The following RAPGEF5 variants were observed in gnomAD, a reference collection of about 807,000 sequenced individuals.
RAPGEF5 encodes Rap guanine nucleotide exchange factor 5, also known as M-Ras-regulated GEF.
Under a neutral mutation model 125.2 loss-of-function variants are expected in RAPGEF5, and 65 were observed. That is an observed-to-expected ratio of 0.52 (90% confidence interval 0.43 to 0.64). The LOEUF is 0.64. Among genes scored for constraint, RAPGEF5 ranks in the 30% least tolerant of loss-of-function variants. RAPGEF5 has a pLI of 0.00. For synonymous variants in RAPGEF5, 391 were observed against 385.9 expected (o/e 1.01, Z -0.16); for missense variants, 958 against 1,048.1 (o/e 0.91, Z 1.19).
At chr7:22,329,477 C>T (rs1450122901) in intron 1 of RAPGEF5, among the ~76,000 whole-genome samples, 4 of 152,136 alleles carry the variant, frequency 2.6e-5, no homozygotes, top group Non-Finnish European at 5.9e-5. Flanking sequence ...CCTCCCTTCC[C>T]GCAGTCTAGT....
chr7:22,254,540 A>G (rs563703695), intron 7 of RAPGEF5, among the ~76,000 whole-genome samples: 51 of 149,548 alleles, frequency 3.4e-4, no homozygotes, highest in Non-Finnish European at 5.9e-4. Flanking sequence ...CTCAGGAGGC[A>G]GAGGTTGCAG....
At chr7:22,266,853 C>A in intron 7 of RAPGEF5, 111 bp downstream of exon 7, 3 of 1,034,044 alleles carry the variant, frequency 2.9e-6, no homozygotes, top group East Asian at 4.9e-5. Flanking sequence ...TAATTCTTTG[C>A]ATTCTACACC....
At chr7:22,183,793 C>A (rs1389758004) in intron 11 of RAPGEF5, among the ~76,000 whole-genome samples, 1 of 152,190 alleles carries the variant, frequency 6.6e-6, no homozygotes, top group African/African-American at 2.4e-5. Flanking sequence ...AGGACAAAAC[C>A]TCCACTCTAA....
intron 2 of RAPGEF5, 71 bp from the exon 3 acceptor site, chr7:22,315,547 CTATATATA>C: frequency 2.4e-6 from 1 of 413,644 alleles, no homozygotes. Flanking sequence ...CAATAGCATA[CTATATATA>C]TATATATATA....
chr7:22,175,913 T>G (rs1036706994), intron 11 of RAPGEF5, among the ~76,000 whole-genome samples: 34 of 152,208 alleles, frequency 2.2e-4, no homozygotes, highest in Admixed American at 1.5e-3. Context: ...TCATTCCCAA[T>G]GTTAATATTA....
chr7:22,132,744 A>G (rs1180424839), intron 23 of RAPGEF5, among the ~76,000 whole-genome samples: 1 of 152,142 alleles, frequency 6.6e-6, no homozygotes, highest in Non-Finnish European at 1.5e-5. Flanking sequence ...CTTCCTAGGG[A>G]TGATGAGGAG....
chr7:22,216,798 T>A (rs1785649005), intron 9 of RAPGEF5, among the ~76,000 whole-genome samples: 1 of 152,252 alleles, frequency 6.6e-6, no homozygotes. Flanking sequence ...AAGCTTGCGA[T>A]AATTATACAT....
intron 7 of RAPGEF5, among the ~76,000 whole-genome samples, chr7:22,261,125 T>C (rs955250518): frequency 6.6e-6 from 1 of 152,104 alleles, no homozygotes. Context: ...CTTAACGCTG[T>C]CCACAGCTAG....
chr7:22,310,101 G>C lies in RAPGEF5; in HGVS notation c.390-11C>G. 1 of 1,541,166 alleles carries C rather than the reference G, an allele frequency of 6.5e-7. No individual in the cohort carries two copies. The highest frequency in any genetic ancestry group is 8.7e-7 in the Non-Finnish European group (1 of 1,150,234). ...CCAACGCAGCTCCTCCTGAACAAAA[G>C]CAAAGCCATTCACAGTAAGATATTG... On this transcript the variant is annotated splice_polypyrimidine_tract_variant and intron_variant, in intron 3 of 25. Coordinates refer to ENST00000665637, the MANE Select transcript of RAPGEF5 (RefSeq NM_012294.5).
At chr7:22,191,496 G>A (rs1583467394) in intron 11 of RAPGEF5, 14 of 462,022 alleles carry the variant, frequency 3.0e-5, no homozygotes, top group South Asian at 2.0e-4. Flanking sequence ...CTAAGGAAAT[G>A]AGCAGGAATT....
chr7:22,201,275 A>ATT (rs1197840750), intron 9 of RAPGEF5, among the ~76,000 whole-genome samples: 2 of 152,312 alleles, frequency 1.3e-5, no homozygotes, highest in East Asian at 3.9e-4. Flanking sequence ...CCACCCTCTG[A>ATT]TCTCTTGCCG....
In RAPGEF5 at chr7:22,333,865, G is replaced by A. The variant is rs1783973724; in HGVS notation, c.232-15828C>T. ...AACAGAGAGAGAACCAGAGCTGTCT[G>A]TCTTGCAGATGGACAGAGGGGAGCC... On this transcript the variant is annotated intron_variant, in intron 1 of 25. Coordinates refer to ENST00000665637, the MANE Select transcript of RAPGEF5 (RefSeq NM_012294.5). Among the ~76,000 whole-genome samples, 3 of 152,280 alleles carry A rather than the reference G, an allele frequency of 2.0e-5. No individual in the cohort carries two copies. The South Asian group carries it at 6.2e-4, about 31-fold the overall frequency.
intron 6 of RAPGEF5, among the ~76,000 whole-genome samples, chr7:22,276,413 T>A (rs979102942): frequency 3.2e-4 from 48 of 152,306 alleles, no homozygotes; most frequent in African/African-American, 1.1e-3. Context: ...CATCGTGCCC[T>A]TTGGAGGTAA....
At chr7:22,230,958 T>C (rs368727158) in intron 7 of RAPGEF5, 39 bp from the exon 8 acceptor site, 3 of 1,522,414 alleles carry the variant, frequency 2.0e-6, no homozygotes, top group African/African-American at 1.4e-5. Flanking sequence ...TGTATCATCA[T>C]ACAAAAAATG....
chr7:22,158,583 C>T (rs1289255465), intron 14 of RAPGEF5, among the ~76,000 whole-genome samples: 2 of 152,136 alleles, frequency 1.3e-5, no homozygotes, highest in African/African-American at 4.8e-5. Flanking sequence ...TTGAATCTTA[C>T]TCTAGAATCT....
chr7:22,143,529 C>T (rs935287641), intron 20 of RAPGEF5, among the ~76,000 whole-genome samples: 11 of 152,154 alleles, frequency 7.2e-5, no homozygotes, highest in Non-Finnish European at 1.6e-4. Context: ...ATCATTCTCC[C>T]ACAACTTCCT....
chr7:22,321,014 T>C (rs996090092), intron 1 of RAPGEF5, among the ~76,000 whole-genome samples: 3 of 152,192 alleles, frequency 2.0e-5, no homozygotes, highest in Non-Finnish European at 4.4e-5. Context: ...CTATGTATTT[T>C]AGATTTCCTA....
At chr7:22,328,148 G>A (rs1783849734) in intron 1 of RAPGEF5, among the ~76,000 whole-genome samples, 1 of 152,218 alleles carries the variant, frequency 6.6e-6, no homozygotes, top group Non-Finnish European at 1.5e-5. Context: ...AGCAAGGCCA[G>A]TGGGACCCTA....
intron 1 of RAPGEF5, among the ~76,000 whole-genome samples, chr7:22,334,615 T>C (rs1207722873): frequency 2.0e-5 from 3 of 152,244 alleles, no homozygotes; most frequent in Non-Finnish European, 2.9e-5. Flanking sequence ...AACATACATA[T>C]GTATACATAT....
Sources: allele counts gnomAD v4.1 joint callset (sites outside exome capture counted in the v4.1 genomes callset), GRCh38; gene constraint gnomAD v4.1.1; transcripts MANE v1.5; gene names NCBI Gene and HGNC (gene_info 2026-07-23, HGNC 2026-07-21).